Variants in CTNNA3 observed in about 807,000 individuals in gnomAD.
CTNNA3 encodes the protein catenin alpha-3.
A neutral mutation model predicts 95.7 loss-of-function variants in CTNNA3; 76 were observed. The ratio of observed to expected loss-of-function variants is 0.79; its 90% CI spans 0.66 to 0.96. CTNNA3 has a LOEUF of 0.96. CTNNA3 is among the 40% of genes least tolerant of loss of function. CTNNA3 has a pLI of 0.00. For missense variants in CTNNA3, 1,191 were observed against 1,089.8 expected, an observed-to-expected ratio of 1.09 and a Z score of -1.31; for synonymous variants, 431 against 374.4, an observed-to-expected ratio of 1.15 and a Z score of -1.74.
chr10:67,407,391 A>G (rs1845177081), intron 5 of CTNNA3, among the ~76,000 whole-genome samples: 1 of 152,206 alleles, frequency 6.6e-6, no homozygotes, highest in South Asian at 2.1e-4. Context: ...AAAGCTCTCA[A>G]TAAACTCGGT....
chr10:66,867,372 T>C (rs1844221735), intron 7 of CTNNA3, among the ~76,000 whole-genome samples: 1 of 152,222 alleles, frequency 6.6e-6, no homozygotes, highest in South Asian at 2.1e-4. Context: ...AAGTTATTAA[T>C]TGACTAACAC....
At chr10:67,113,244 T>C (rs1056455000) in intron 7 of CTNNA3, among the ~76,000 whole-genome samples, 1 of 152,230 alleles carries the variant, frequency 6.6e-6, no homozygotes, top group African/African-American at 2.4e-5. Flanking sequence ...GAATTTTTTT[T>C]ATTTTTACTG....
intron 11 of CTNNA3, among the ~76,000 whole-genome samples, chr10:66,451,030 T>C (rs2093460347): frequency 6.6e-6 from 1 of 152,122 alleles, no homozygotes; most frequent in Non-Finnish European, 1.5e-5. Context: ...ATATCATCTA[T>C]AGCTTTTGAG....
At chr10:66,480,598 A>T (rs1016701808) in intron 11 of CTNNA3, among the ~76,000 whole-genome samples, 7 of 151,470 alleles carry the variant, frequency 4.6e-5, no homozygotes, top group East Asian at 1.9e-4. Flanking sequence ...TTGGCAAAAT[A>T]ATTTATTTAT....
intron 13 of CTNNA3, among the ~76,000 whole-genome samples, chr10:66,273,453 T>G (rs1040664727): frequency 2.0e-5 from 3 of 152,186 alleles, no homozygotes; most frequent in African/African-American, 7.2e-5. Flanking sequence ...TGACCACAGA[T>G]AAGTGAAACC....
At chr10:67,046,786 G>T (rs974753543) in intron 7 of CTNNA3, among the ~76,000 whole-genome samples, 1 of 152,114 alleles carries the variant, frequency 6.6e-6, no homozygotes, top group African/African-American at 2.4e-5. Flanking sequence ...TCAGAGCCTG[G>T]CAGGATATCT....
chr10:67,516,230 T>C (rs1332560432), intron 5 of CTNNA3, among the ~76,000 whole-genome samples: 4 of 152,184 alleles, frequency 2.6e-5, no homozygotes, highest in African/African-American at 4.8e-5. Flanking sequence ...TCCATTTTAA[T>C]GTTAGCCCCA....
intron 15 of CTNNA3, among the ~76,000 whole-genome samples, chr10:65,997,019 T>G (rs2078677461): frequency 7.4e-6 from 1 of 135,564 alleles, no homozygotes; most frequent in Admixed American, 7.1e-5. Context: ...TTTCCATTAA[T>G]TGTGTTTTTT....
At chr10:65,931,079 T>A (rs2077245426) in intron 17 of CTNNA3, among the ~76,000 whole-genome samples, 1 of 152,148 alleles carries the variant, frequency 6.6e-6, no homozygotes. Context: ...TTTTTCAGGG[T>A]CTTTGAAGAT....
intron 13 of CTNNA3, among the ~76,000 whole-genome samples, chr10:66,183,645 T>G (rs2086168986): frequency 6.6e-6 from 1 of 152,250 alleles, no homozygotes; most frequent in Non-Finnish European, 1.5e-5. Context: ...TGTACATATT[T>G]CTTGATTTAC....
At chr10:67,720,145 T>TA in intron 1 of CTNNA3, among the ~76,000 whole-genome samples, 1 of 102,818 alleles carries the variant, frequency 9.7e-6, no homozygotes, top group Non-Finnish European at 2.1e-5. Context: ...TTTTTTTTTT[T>TA]TTTTTTTGCT....
chr10:67,438,361 C>A (rs1487831871), intron 5 of CTNNA3, among the ~76,000 whole-genome samples: 1 of 152,146 alleles, frequency 6.6e-6, no homozygotes, highest in Non-Finnish European at 1.5e-5. Context: ...ACAGCAGGCT[C>A]TCTCTAAACA....
chr10:66,112,682 G>A (rs2082163739), intron 13 of CTNNA3, among the ~76,000 whole-genome samples: 2 of 151,980 alleles, frequency 1.3e-5, no homozygotes, highest in African/African-American at 4.8e-5. Flanking sequence ...TTCTAGGAGT[G>A]TAAAAACATT....
At chr10:65,941,950 C>G (rs1010291531) in intron 17 of CTNNA3, among the ~76,000 whole-genome samples, 19 of 152,138 alleles carry the variant, frequency 1.2e-4, no homozygotes, top group African/African-American at 4.1e-4. Context: ...TCCATTTTAA[C>G]AGAGAATGTT....
At chr10:67,575,818 C>A (rs1256750905) in intron 3 of CTNNA3, among the ~76,000 whole-genome samples, 1 of 152,174 alleles carries the variant, frequency 6.6e-6, no homozygotes, top group East Asian at 1.9e-4. Flanking sequence ...CTCCCCTTAA[C>A]AATCTTGTTA....
Position 67,005,687 on chromosome 10 carries a change from T to TTTTTTTTTGTTTGTTTG in CTNNA3, c.1047+174629_1047+174630insCAAACAAACAAAAAAAA, listed in dbSNP as rs1554895949. ...TTTTGTTTATTTTACTCCATCTTTTTTTTTTTTTTTTTTTTTGAGACGGAG... is the reference window on the plus strand; with the variant it reads ...TTTTGTTTATTTTACTCCATCTTTTTTTTTTTTTGTTTGTTTGTTTTTTTTTTTTTTTTGAGACGGAG... On this transcript the variant is annotated intron_variant, in intron 7 of 17. Transcript: ENST00000433211. Among the ~76,000 whole-genome samples, 908 of 102,310 alleles carry TTTTTTTTTGTTTGTTTG rather than the reference T, an allele frequency of 8.9e-3. 42 individuals are homozygous for TTTTTTTTTGTTTGTTTG. The highest frequency in any genetic ancestry group is 0.026 in the African/African-American group (834 of 32,436). The allele number at this position is 102,310 out of a possible 152,430, so 67.1% of individuals were successfully genotyped here. A position where few individuals can be genotyped will look rare whatever the true frequency, so the allele number is the denominator to read the frequency against.
intron 7 of CTNNA3, among the ~76,000 whole-genome samples, chr10:66,846,597 A>G (rs1041901502): frequency 2.0e-5 from 3 of 152,028 alleles, no homozygotes; most frequent in African/African-American, 7.2e-5. Context: ...GTGTGTGTAT[A>G]TATATATACA....
chr10:66,581,676 G>C (rs1473179587), intron 10 of CTNNA3, among the ~76,000 whole-genome samples: 1 of 151,472 alleles, frequency 6.6e-6, no homozygotes, highest in East Asian at 1.9e-4. Flanking sequence ...TTTTTGTTTT[G>C]TTGGATTTGC....
Position 65,915,071 on chromosome 10 carries a change from T to C in CTNNA3, c.*5259A>G, listed in dbSNP as rs1426009600. The C allele has an allele frequency of 6.6e-6, 1 of 152,056 alleles. No individual in the cohort carries two copies. The highest frequency in any genetic ancestry group is 2.4e-5 in the African/African-American group (1 of 41,408). 9.4% of individuals were successfully genotyped at this position (152,056 alleles called of 1,614,324 possible). A position where few individuals can be genotyped will look rare whatever the true frequency, so the allele number is the denominator to read the frequency against. ...CATGAGGGCAAGGATCACTATTTGT[T>C]TTGTTATATGGTGTATCCTAAGAAC... On this transcript the variant is annotated 3_prime_UTR_variant, in exon 18 of 18. Transcript: ENST00000433211.
Sources: gnomAD v4.1 joint callset for allele counts (sites outside exome capture counted in the v4.1 genomes callset) on GRCh38, gnomAD v4.1.1 for gene constraint, MANE v1.5 for transcripts, NCBI Gene and HGNC (gene_info 2026-07-23, HGNC 2026-07-21) for gene names.